Variants in SRGAP3 observed in about 807,000 individuals in gnomAD.
The protein encoded by SRGAP3 is SLIT-ROBO Rho GTPase activating protein 3, also known as SLIT-ROBO Rho GTPase-activating protein 3.
Under a neutral mutation model 121.1 loss-of-function variants are expected in SRGAP3, and 39 were observed. The observed-to-expected ratio is 0.32, with a 90% CI of 0.25 to 0.42. SRGAP3 has a LOEUF of 0.42. SRGAP3 is among the 10% of genes least tolerant of loss of function. SRGAP3 has a pLI of 1.00. For missense variants in SRGAP3, 1,213 were observed against 1,470.6 expected, an observed-to-expected ratio of 0.82 and a Z score of 2.86; for synonymous variants, 601 against 570.0, an observed-to-expected ratio of 1.05 and a Z score of -0.77.
intron 18 of SRGAP3, among the ~76,000 whole-genome samples, chr3:9,006,076 G>A (rs1240571728): frequency 1.4e-5 from 2 of 144,336 alleles, no homozygotes; most frequent in Non-Finnish European, 3.0e-5. Context: ...ATTGGCCACT[G>A]TTCTTTTTTT....
At chr3:9,091,180 T>A (rs951249034) in intron 3 of SRGAP3, among the ~76,000 whole-genome samples, 3 of 152,080 alleles carry the variant, frequency 2.0e-5, no homozygotes, top group African/African-American at 4.8e-5. Flanking sequence ...GTAAGACAGG[T>A]GGCCTTTGTT....
chr3:9,290,384 T>C (rs1348947065), intron 3 of SRGAP3, among the ~76,000 whole-genome samples: 1 of 152,162 alleles, frequency 6.6e-6, no homozygotes, highest in Admixed American at 6.5e-5. Context: ...GGTCTGATGT[T>C]GTTTGGTTAC....
intron 10 of SRGAP3, among the ~76,000 whole-genome samples, chr3:9,042,102 CAA>C (rs370049198): frequency 0.25 from 24,802 of 97,886 alleles, 2,102 homozygotes; most frequent in Middle Eastern, 0.31. Context: ...GACGCCATCT[CAA>C]AAAAAAAAAA....
upstream of SRGAP3, among the ~76,000 whole-genome samples, chr3:9,251,928 T>C (rs114094148): frequency 3.7e-3 from 559 of 152,292 alleles, 3 homozygotes; most frequent in African/African-American, 0.012. Flanking sequence ...GATCCACCCA[T>C]GGCACAGGAT....
intron 1 of SRGAP3, among the ~76,000 whole-genome samples, chr3:9,227,200 T>C (rs547936291): frequency 7.2e-5 from 11 of 152,242 alleles, no homozygotes; most frequent in Non-Finnish European, 1.5e-4. Flanking sequence ...TGATTTTTTT[T>C]AACTCTCTTC....
intron 1 of SRGAP3, among the ~76,000 whole-genome samples, chr3:9,160,472 T>G (rs1467129399): frequency 2.0e-5 from 3 of 152,178 alleles, no homozygotes; most frequent in Non-Finnish European, 4.4e-5. Context: ...GGCGAGGAAC[T>G]CAGGCCTCCA....
chr3:9,013,532 G>A lies in SRGAP3; in HGVS notation c.1923C>T (p.Leu641=), dbSNP rs1384306604. ...MRYLFAFLNH[L]SQYSDENMMD... is the part of the protein sequence containing the mutation. ...TCATGTTCTCGTCGCTATACTGGGA[G>A]AGGCTAGGAGAGAGGAGTTACCCAC... is the stretch of plus-strand genomic sequence containing the variant. The change falls in exon 17 of 22, where the codon CTC becomes CTT. Residue 641 remains leucine (L), a synonymous_variant. Coordinates refer to ENST00000383836, the MANE Select transcript of SRGAP3 (RefSeq NM_014850.4). 5 of 1,614,090 alleles carry A rather than the reference G, an allele frequency of 3.1e-6. No individual in the cohort carries two copies. Among genetic ancestry groups the A allele is most frequent in the Non-Finnish European group, 4.2e-6 (5 of 1,180,020 alleles).
chr3:9,176,008 G>A (rs1184335641), intron 1 of SRGAP3, among the ~76,000 whole-genome samples: 1 of 152,134 alleles, frequency 6.6e-6, no homozygotes, highest in Admixed American at 6.6e-5. Flanking sequence ...TGCAAACTCC[G>A]CCTCCTGGGT....
intron 3 of SRGAP3, among the ~76,000 whole-genome samples, chr3:9,278,711 T>C (rs186772068): frequency 6.6e-6 from 1 of 152,288 alleles, no homozygotes; most frequent in Non-Finnish European, 1.5e-5. Context: ...CTGGGTAGAT[T>C]ACCTCACTTC....
At chr3:9,208,895 C>T (rs7432141) in intron 1 of SRGAP3, among the ~76,000 whole-genome samples, 99 of 152,282 alleles carry the variant, frequency 6.5e-4, no homozygotes, top group African/African-American at 2.4e-3. Context: ...AGCAAATGGC[C>T]TACAGCATGC....
chr3:9,088,014 G>C (rs79758406), intron 3 of SRGAP3, among the ~76,000 whole-genome samples: 1 of 152,076 alleles, frequency 6.6e-6, no homozygotes, highest in African/African-American at 2.4e-5. Context: ...TTTTTGGCTG[G>C]GGTTGATTGG....
intron 1 of SRGAP3, among the ~76,000 whole-genome samples, chr3:9,339,657 A>C (rs1476189990): frequency 6.6e-6 from 1 of 152,244 alleles, no homozygotes; most frequent in African/African-American, 2.4e-5. Context: ...TTTAAAGAGA[A>C]GCAGGAAATA....
intron 1 of SRGAP3, among the ~76,000 whole-genome samples, chr3:9,142,975 C>A (rs1191199440): frequency 6.6e-6 from 1 of 151,344 alleles, no homozygotes; most frequent in Non-Finnish European, 1.5e-5. Context: ...GTAGCTGGGA[C>A]TATAGGCATG....
chr3:9,015,081 G>A (rs1412456354), intron 15 of SRGAP3, among the ~76,000 whole-genome samples: 1 of 152,072 alleles, frequency 6.6e-6, no homozygotes, highest in Non-Finnish European at 1.5e-5. Context: ...CTTACTTTCA[G>A]CATTTCCCTT....
chr3:9,134,851 C>A (rs1375364543), intron 1 of SRGAP3, among the ~76,000 whole-genome samples: 1 of 152,196 alleles, frequency 6.6e-6, no homozygotes, highest in Admixed American at 6.5e-5. Flanking sequence ...CTTCATAGCA[C>A]AATGTAGCGG....
chr3:9,329,064 T>C (rs2125285333), intron 2 of SRGAP3, among the ~76,000 whole-genome samples: 1 of 152,332 alleles, frequency 6.6e-6, no homozygotes, highest in South Asian at 2.1e-4. Context: ...TGGGCCATCC[T>C]GAGCACGAGT....
intron 6 of SRGAP3, 160 bp downstream of exon 6, chr3:9,060,071 C>T (rs7644328): frequency 8.7e-7 from 1 of 1,150,348 alleles, no homozygotes; most frequent in Non-Finnish European, 1.3e-6. Context: ...TCATTTTCCA[C>T]CTCCCCAAAT....
intron 3 of SRGAP3, among the ~76,000 whole-genome samples, chr3:9,324,669 C>T (rs1336932912): frequency 6.6e-6 from 1 of 151,858 alleles, no homozygotes; most frequent in Non-Finnish European, 1.5e-5. Flanking sequence ...AAAATTCCCC[C>T]TTTTGGGCTG....
intron 1 of SRGAP3, among the ~76,000 whole-genome samples, chr3:9,162,656 G>A (rs754295533): frequency 4.5e-4 from 69 of 152,214 alleles, no homozygotes; most frequent in Non-Finnish European, 6.8e-4. Flanking sequence ...CACACACAGC[G>A]TGGGGAGCTG....
Sources: allele counts gnomAD v4.1 joint callset (sites outside exome capture counted in the v4.1 genomes callset), GRCh38; gene constraint gnomAD v4.1.1; transcripts MANE v1.5; gene names NCBI Gene and HGNC (gene_info 2026-07-23, HGNC 2026-07-21).